OR9Q1: variants seen among roughly 807,000 people sequenced by gnomAD.
OR9Q1 encodes the protein olfactory receptor 9Q1.
For synonymous variants in OR9Q1, 153 were observed against 148.6 expected (o/e 1.03, Z -0.22); for missense variants, 374 against 378.8 (o/e 0.99, Z 0.11).
intron 2 of OR9Q1, chr11:58,171,659 T>C (rs879338386): frequency 2.0e-5 from 3 of 150,942 alleles, no homozygotes; most frequent in Non-Finnish European, 4.4e-5. Flanking sequence ...TCCAATTTTA[T>C]AGCCTGAGGA....
intron 2 of OR9Q1, among the ~76,000 whole-genome samples, chr11:58,122,372 C>T (rs188089482): frequency 1.3e-5 from 2 of 152,328 alleles, no homozygotes; most frequent in East Asian, 1.9e-4. Flanking sequence ...GTGGTTGTCA[C>T]CTCTATGACA....
chr11:58,057,048 G>A (rs1853335766), intron 2 of OR9Q1, among the ~76,000 whole-genome samples: 1 of 135,408 alleles, frequency 7.4e-6, no homozygotes, highest in Admixed American at 8.3e-5. Flanking sequence ...AAGCTGGAGT[G>A]CAGTGGTGCC....
At chr11:58,177,998 T>C (rs373218404) in intron 2 of OR9Q1, among the ~76,000 whole-genome samples, 9 of 152,230 alleles carry the variant, frequency 5.9e-5, no homozygotes, top group Admixed American at 2.6e-4. Flanking sequence ...GTTTGTCCTG[T>C]TGAAAGTGCA....
chr11:58,039,529 A>G (rs1349942535), intron 1 of OR9Q1, among the ~76,000 whole-genome samples: 2 of 152,182 alleles, frequency 1.3e-5, no homozygotes, highest in East Asian at 3.9e-4. Context: ...TAATCAGTTG[A>G]TGCCCAGTAT....
intron 2 of OR9Q1, among the ~76,000 whole-genome samples, chr11:58,157,274 C>G (rs957160012): frequency 2.0e-5 from 3 of 152,196 alleles, no homozygotes; most frequent in Non-Finnish European, 4.4e-5. Flanking sequence ...GATCTCAGCT[C>G]ACTTGCTCAG....
At chr11:58,075,445 C>A (rs534376597) in intron 2 of OR9Q1, 1 of 152,186 alleles carries the variant, frequency 6.6e-6, no homozygotes, top group Non-Finnish European at 1.5e-5. Flanking sequence ...CAGCTGTGCC[C>A]CCCAAATCCA....
intron 2 of OR9Q1, among the ~76,000 whole-genome samples, chr11:58,116,337 G>A (rs1398321265): frequency 6.6e-6 from 1 of 152,190 alleles, no homozygotes; most frequent in Non-Finnish European, 1.5e-5. Flanking sequence ...ATATCCTAGT[G>A]TGCATGGGCA....
chr11:58,123,879 TTTC>T (rs775582521), intron 2 of OR9Q1, among the ~76,000 whole-genome samples: 1 of 152,214 alleles, frequency 6.6e-6, no homozygotes, highest in African/African-American at 2.4e-5. Flanking sequence ...GTCCATGTTT[TTTC>T]TTCTTTTTCT....
At chr11:58,033,338 G>A (rs1402030677) in intron 1 of OR9Q1, among the ~76,000 whole-genome samples, 1 of 152,142 alleles carries the variant, frequency 6.6e-6, no homozygotes, top group East Asian at 1.9e-4. Flanking sequence ...CAATAACAAA[G>A]AGATGGAATC....
At chr11:58,035,040 G>T (rs541461448) in intron 1 of OR9Q1, among the ~76,000 whole-genome samples, 157 of 151,898 alleles carry the variant, frequency 1.0e-3, no homozygotes, top group African/African-American at 3.7e-3. Flanking sequence ...TTATTTTCCA[G>T]GCTGATCTCA....
chr11:58,077,639 G>C (rs537383519), intron 2 of OR9Q1: 88 of 152,290 alleles, frequency 5.8e-4, no homozygotes, highest in African/African-American at 1.9e-3. Context: ...GCAGGTAAGA[G>C]ATCAGGATGA....
intron 2 of OR9Q1, chr11:58,119,472 G>T: frequency 7.5e-7 from 1 of 1,329,702 alleles, no homozygotes; most frequent in Non-Finnish European, 1.0e-6. Context: ...TTGGTCTGAG[G>T]ATGATAATGA....
At chr11:58,130,695 GC>G (rs1173159385) in intron 2 of OR9Q1, among the ~76,000 whole-genome samples, 4 of 151,938 alleles carry the variant, frequency 2.6e-5, no homozygotes. Flanking sequence ...GGTGGTACAT[GC>G]CTGCTATGTT....
intron 1 of OR9Q1, among the ~76,000 whole-genome samples, chr11:58,040,001 T>C (rs1853145382): frequency 6.6e-6 from 1 of 152,240 alleles, no homozygotes; most frequent in Non-Finnish European, 1.5e-5. Flanking sequence ...ACCTCATTGA[T>C]AATATCATGA....
intron 2 of OR9Q1, among the ~76,000 whole-genome samples, chr11:58,153,834 C>T (rs766904395): frequency 6.6e-5 from 10 of 152,066 alleles, no homozygotes; most frequent in Non-Finnish European, 1.2e-4. Flanking sequence ...TATCACTAGA[C>T]TATGATTCAG....
At chr11:58,153,930 C>T (rs751037158) in intron 2 of OR9Q1, among the ~76,000 whole-genome samples, 4 of 152,130 alleles carry the variant, frequency 2.6e-5, no homozygotes, top group Non-Finnish European at 5.9e-5. Flanking sequence ...CTCTGTACAA[C>T]CTATCATCAT....
chr11:58,024,699 T>G (rs1225783262), intron 1 of OR9Q1, among the ~76,000 whole-genome samples: 1 of 152,198 alleles, frequency 6.6e-6, no homozygotes, highest in Non-Finnish European at 1.5e-5. Flanking sequence ...ACCTCTTTTT[T>G]CCTGCATGGC....
intron 2 of OR9Q1, among the ~76,000 whole-genome samples, chr11:58,163,290 G>A (rs1349481): frequency 0.089 from 13,558 of 152,226 alleles, 709 homozygotes; most frequent in South Asian, 0.13. Flanking sequence ...GGAAATATGT[G>A]TGTGTATCTG....
At chr11:58,087,406 C>T (rs533559401) in intron 2 of OR9Q1, among the ~76,000 whole-genome samples, 2 of 151,926 alleles carry the variant, frequency 1.3e-5, no homozygotes, top group South Asian at 4.1e-4. Flanking sequence ...TAATTCCTCT[C>T]ACTCAATGTT....
Sources: allele counts gnomAD v4.1 joint callset (sites outside exome capture counted in the v4.1 genomes callset), GRCh38; gene constraint gnomAD v4.1.1; transcripts MANE v1.5; gene names NCBI Gene and HGNC (gene_info 2026-07-23, HGNC 2026-07-21).